The following CORIN variants were observed in gnomAD, a reference collection of about 807,000 sequenced individuals.
CORIN encodes atrial natriuretic peptide-converting enzyme.
A neutral mutation model predicts 125.3 loss-of-function variants in CORIN; 117 were observed. The observed-to-expected ratio is 0.93, with a 90% CI of 0.80 to 1.09. The LOEUF is 1.09. Ranked by LOEUF, CORIN falls within the 50% of genes least tolerant of loss-of-function variation. The pLI is 0.00. For synonymous variants in CORIN, 450 were observed against 466.4 expected (o/e 0.96, Z 0.45); for missense variants, 1,253 against 1,306.7 (o/e 0.96, Z 0.63).
At chr4:47,713,648 C>T (rs376589664) in intron 5 of CORIN, among the ~76,000 whole-genome samples, 1 of 152,098 alleles carries the variant, frequency 6.6e-6, no homozygotes, top group Admixed American at 6.5e-5. Context: ...GTGTGTCGCT[C>T]TTCTCCACGA....
At chr4:47,764,063 T>G (rs1328211245) in intron 3 of CORIN, among the ~76,000 whole-genome samples, 1 of 152,178 alleles carries the variant, frequency 6.6e-6, no homozygotes, top group African/African-American at 2.4e-5. Flanking sequence ...ATCTAAATAT[T>G]CAGCAAAAAG....
chr4:47,637,934 T>G (rs1165719332), intron 16 of CORIN, among the ~76,000 whole-genome samples: 1 of 152,124 alleles, frequency 6.6e-6, no homozygotes, highest in Non-Finnish European at 1.5e-5. Flanking sequence ...CCGCAGACAC[T>G]CTATGCCAGC....
chr4:47,822,848 G>A (rs1443550914), intron 1 of CORIN, among the ~76,000 whole-genome samples: 3 of 147,828 alleles, frequency 2.0e-5, no homozygotes, highest in Non-Finnish European at 4.4e-5. Flanking sequence ...AGGGAGTCTC[G>A]CTCTGATGCC....
intron 18 of CORIN, 25 bp downstream of exon 18, chr4:47,623,874 A>G (rs755376280): frequency 4.3e-6 from 7 of 1,611,324 alleles, no homozygotes; most frequent in Non-Finnish European, 5.9e-6. Context: ...TTCATATCCC[A>G]TTGCCACACC....
At chr4:47,628,767 C>T (rs527953881) in intron 16 of CORIN, among the ~76,000 whole-genome samples, 3 of 152,184 alleles carry the variant, frequency 2.0e-5, no homozygotes, top group Admixed American at 1.3e-4. Flanking sequence ...CAAGTTTATC[C>T]ATGTTGTCTC....
At chr4:47,719,847 A>G (rs1433500247) in intron 5 of CORIN, among the ~76,000 whole-genome samples, 1 of 152,208 alleles carries the variant, frequency 6.6e-6, no homozygotes, top group African/African-American at 2.4e-5. Flanking sequence ...AGGCAATTTC[A>G]GAAAACATTT....
At chr4:47,694,475 T>TGTGTG (rs1224974731) in intron 5 of CORIN, among the ~76,000 whole-genome samples, 17 of 135,174 alleles carry the variant, frequency 1.3e-4, no homozygotes, top group Admixed American at 8.8e-4. Context: ...GTGTGTGTGT[T>TGTGTG]TGTGTATGTG....
intron 2 of CORIN, among the ~76,000 whole-genome samples, chr4:47,805,313 C>T (rs916005055): frequency 2.6e-5 from 4 of 151,692 alleles, no homozygotes. Flanking sequence ...TGTAACATAC[C>T]TCATAAATAT....
rs1455609533 is a variant in CORIN, at chr4:47,641,813, CTT to C, written c.2198+105_2198+106del. 6.5e-5 allele frequency: 89 copies of C among 1,370,550 alleles called. 1 individual carries two copies. In the East Asian group the frequency reaches 1.3e-3, roughly 20 times the overall value. 84.9% of individuals were successfully genotyped at this position (1,370,550 alleles called of 1,614,324 possible). On this transcript the variant is annotated intron_variant, in intron 16 of 21. Coordinates refer to ENST00000273857, the MANE Select transcript of CORIN (RefSeq NM_006587.4). ...TTCATTTCCCGGGTTTTGAAGGACT[CTT>C]TGTTTGAGAGCACTAACTCTCTGTG...
intron 12 of CORIN, among the ~76,000 whole-genome samples, chr4:47,657,422 C>A (rs1724040294): frequency 6.6e-6 from 1 of 151,310 alleles, no homozygotes; most frequent in South Asian, 2.1e-4. Flanking sequence ...ATAGTCCCAG[C>A]TACTCGGGAG....
chr4:47,622,918 A>G (rs543616541), intron 19 of CORIN, among the ~76,000 whole-genome samples: 1 of 151,852 alleles, frequency 6.6e-6, no homozygotes, highest in Admixed American at 6.6e-5. Flanking sequence ...TCAAGTGATC[A>G]CTCTTCCTCG....
intron 8 of CORIN, chr4:47,679,695 C>T (rs918206730): frequency 1.3e-5 from 2 of 157,620 alleles, no homozygotes; most frequent in South Asian, 3.8e-4. Flanking sequence ...TAAAGGCTCT[C>T]TTCTCTCTGA....
chr4:47,641,078 G>A (rs9291314), intron 16 of CORIN, among the ~76,000 whole-genome samples: 39,716 of 151,902 alleles, frequency 0.26, 5,411 homozygotes, highest in Admixed American at 0.36. Flanking sequence ...GGTGGGAGCT[G>A]CATATTAGTA....
chr4:47,808,993 G>A (rs1731928886), intron 1 of CORIN, among the ~76,000 whole-genome samples: 1 of 152,196 alleles, frequency 6.6e-6, no homozygotes, highest in Non-Finnish European at 1.5e-5. Context: ...TAGCTAAAGT[G>A]ATATAAGAAT....
At chr4:47,777,782 T>G (rs1416700651) in intron 3 of CORIN, among the ~76,000 whole-genome samples, 1 of 152,218 alleles carries the variant, frequency 6.6e-6, no homozygotes, top group African/African-American at 2.4e-5. Context: ...ACTCATTACC[T>G]TACTCATTTC....
At chr4:47,721,775 A>G (rs1727360582) in intron 5 of CORIN, among the ~76,000 whole-genome samples, 1 of 152,360 alleles carries the variant, frequency 6.6e-6, no homozygotes, top group East Asian at 1.9e-4. Flanking sequence ...CACTTAGTAC[A>G]TAATAAATGC....
At chr4:47,779,205 G>A (rs945854776) in intron 3 of CORIN, among the ~76,000 whole-genome samples, 2 of 152,118 alleles carry the variant, frequency 1.3e-5, no homozygotes, top group East Asian at 1.9e-4. Context: ...AGAGGCTCAC[G>A]CCTGTATTCC....
chr4:47,735,146 G>C (rs531278035), intron 5 of CORIN, among the ~76,000 whole-genome samples: 1 of 152,082 alleles, frequency 6.6e-6, no homozygotes, highest in African/African-American at 2.4e-5. Context: ...TTGCTGGTTG[G>C]CATACAATAT....
intron 2 of CORIN, among the ~76,000 whole-genome samples, chr4:47,796,562 C>A (rs1001784056): frequency 7.9e-5 from 12 of 151,904 alleles, no homozygotes; most frequent in African/African-American, 2.9e-4. Flanking sequence ...AAGGGCAGAT[C>A]TTATGCAAAA....
Sources: gnomAD v4.1 joint callset for allele counts (sites outside exome capture counted in the v4.1 genomes callset) on GRCh38, gnomAD v4.1.1 for gene constraint, MANE v1.5 for transcripts, NCBI Gene and HGNC (gene_info 2026-07-23, HGNC 2026-07-21) for gene names.